The following PTPN13 variants were observed in gnomAD, a reference collection of about 807,000 sequenced individuals.
PTPN13 encodes the protein protein tyrosine phosphatase non-receptor type 13, also known as tyrosine-protein phosphatase non-receptor type 13.
Under a neutral mutation model 284.0 loss-of-function variants are expected in PTPN13, and 191 were observed. That is an observed-to-expected ratio of 0.67 (90% CI 0.60 to 0.76). The LOEUF is 0.76. Among genes scored for constraint, PTPN13 ranks in the 30% least tolerant of loss-of-function variants. The probability of loss-of-function intolerance (pLI) is 0.00; values close to 1 mark genes in which losing one functional copy is unlikely to be tolerated. For missense variants in PTPN13, 2,797 were observed against 2,939.9 expected (o/e 0.95, Z 1.12); for synonymous variants, 986 against 1,022.3 (o/e 0.96, Z 0.68).
intron 40 of PTPN13, among the ~76,000 whole-genome samples, chr4:86,794,975 G>T (rs1179355515): frequency 6.6e-6 from 1 of 152,168 alleles, no homozygotes; most frequent in African/African-American, 2.4e-5. Context: ...TACTATTCAG[G>T]ACATAGGCAT....
intron 13 of PTPN13, 132 bp from the exon 14 acceptor site, chr4:86,734,605 C>T (rs1449356576): frequency 2.4e-6 from 3 of 1,263,932 alleles, no homozygotes; most frequent in Non-Finnish European, 2.1e-6. Context: ...TTTATCTAAT[C>T]CTTATGCCTT....
rs181014815 is a variant in PTPN13, at chr4:86,809,782, G to A, written c.7097G>A (p.Arg2366His). 1.7e-5 allele frequency: 28 copies of A among 1,613,774 alleles called. No individual in the cohort carries two copies. In the Admixed American group the frequency reaches 2.7e-4, roughly 15 times the overall value. The change falls in exon 46 of 48, where the codon CGC becomes CAC. Residue 2366 changes from arginine to histidine, a missense_variant. Coordinates refer to ENST00000411767, the MANE Select transcript of PTPN13 (RefSeq NM_080683.3). ...TLEDIQTREV[R>H]HISHLNFTAW... ...ATACAATTTCAGACCAGAGAGGTGC[G>A]CCATATTTCTCATCTGAATTTCACT...
rs530934520 is a variant in PTPN13, at chr4:86,700,024, C to T, written c.635-1217C>T. On this transcript the variant is annotated intron_variant, in intron 6 of 47. Coordinates refer to ENST00000411767, the MANE Select transcript of PTPN13 (RefSeq NM_080683.3). ...AATATAGATGTTATCCTTATTTACA[C>T]TTGAGTAGATTCATGGGAAGATGAG... 3.9e-5 allele frequency among the ~76,000 whole-genome samples: 6 copies of T among 152,188 alleles called. No homozygotes were observed. The South Asian group carries it at 1.2e-3, about 32-fold the overall frequency.
At chr4:86,645,564 GA>G (rs1358327039) in intron 2 of PTPN13, among the ~76,000 whole-genome samples, 14 of 151,838 alleles carry the variant, frequency 9.2e-5, no homozygotes, top group Admixed American at 9.2e-4. Context: ...TTACCATTTA[GA>G]AATGATAAAA....
At chr4:86,623,167 G>T (rs1184973003) in intron 1 of PTPN13, among the ~76,000 whole-genome samples, 1 of 152,128 alleles carries the variant, frequency 6.6e-6, no homozygotes, top group Non-Finnish European at 1.5e-5. Flanking sequence ...AAACCTCCCG[G>T]GGGTCTGCTG....
chr4:86,739,829 G>A (rs1214687401), intron 15 of PTPN13, among the ~76,000 whole-genome samples: 10 of 152,218 alleles, frequency 6.6e-5, no homozygotes, highest in Admixed American at 6.5e-4. Context: ...TACAGGCATT[G>A]GGTAAATACA....
chr4:86,775,404 T>C, intron 34 of PTPN13, 38 bp from the exon 35 acceptor site: 1 of 1,599,692 alleles, frequency 6.3e-7, no homozygotes, highest in Non-Finnish European at 8.6e-7. Context: ...GTAAGTACTT[T>C]TATGACTGAG....
At chr4:86,628,969 G>A (rs1437756770) in intron 1 of PTPN13, among the ~76,000 whole-genome samples, 1 of 151,842 alleles carries the variant, frequency 6.6e-6, no homozygotes, top group East Asian at 1.9e-4. Context: ...ACATACGTGT[G>A]CATGTGTCTT....
rs1740168258 is a variant in PTPN13 at position 86,772,912 on chromosome 4, C to T, written c.5303C>T (p.Thr1768Ile). Residue 1768 changes from threonine to isoleucine, a missense_variant, in exon 32 of 48, where the codon ACA (threonine) becomes ATA (isoleucine). By Grantham distance (89) the Thr-to-Ile change is moderately conservative. Transcript: ENST00000411767. ...ISEPTRQENW[T>I]PLKNDLENHL... ...GAACCAACTAGACAAGAAAACTGGA[C>T]ACCTTTGAAAAATGACTTGGAAAAT... The T allele has an allele frequency of 6.2e-7, 1 of 1,609,454 alleles. No homozygotes were observed. Among genetic ancestry groups the T allele is most frequent in the South Asian group, 1.1e-5 (1 of 90,004 alleles).
intron 1 of PTPN13, among the ~76,000 whole-genome samples, chr4:86,611,981 G>C (rs1368443055): frequency 6.6e-6 from 1 of 152,204 alleles, no homozygotes; most frequent in Non-Finnish European, 1.5e-5. Flanking sequence ...CACAAACTGG[G>C]CTGCAAATGC....
At chr4:86,653,760 T>A (rs919685789) in intron 2 of PTPN13, among the ~76,000 whole-genome samples, 12 of 152,104 alleles carry the variant, frequency 7.9e-5, no homozygotes, top group African/African-American at 2.7e-4. Context: ...TATTATTTTT[T>A]AAAAAACTAA....
chr4:86,727,622 T>G (rs913725175), intron 10 of PTPN13, among the ~76,000 whole-genome samples: 3 of 149,612 alleles, frequency 2.0e-5, no homozygotes, highest in African/African-American at 7.3e-5. Flanking sequence ...TAGTATTCTC[T>G]GATGGTAGTT....
At chr4:86,694,606 AAT>A (rs1730404910) in intron 6 of PTPN13, among the ~76,000 whole-genome samples, 1 of 148,782 alleles carries the variant, frequency 6.7e-6, no homozygotes, top group African/African-American at 2.5e-5. Flanking sequence ...AAAAAAAAAG[AAT>A]GGAAATTTCA....
At chr4:86,715,952 G>A (rs1438487017) in intron 7 of PTPN13, among the ~76,000 whole-genome samples, 1 of 152,114 alleles carries the variant, frequency 6.6e-6, no homozygotes, top group East Asian at 1.9e-4. Context: ...TGCACACTCT[G>A]CACAAACCTA....
intron 1 of PTPN13, among the ~76,000 whole-genome samples, chr4:86,630,365 G>C (rs1429040338): frequency 1.3e-5 from 2 of 152,002 alleles, no homozygotes; most frequent in African/African-American, 4.8e-5. Context: ...GTGGCATTTT[G>C]TATGTTTTAA....
rs564036313 is a variant in PTPN13 at position 86,689,902 on chromosome 4, A to T, written c.546+712A>T. 7.0e-6 allele frequency: 4 copies of T among 574,840 alleles called. No individual in the cohort carries two copies. The East Asian group carries it at 1.1e-4, about 16-fold the overall frequency. 35.6% of individuals were successfully genotyped at this position (574,840 alleles called of 1,614,324 possible). A position where few individuals can be genotyped will look rare whatever the true frequency, so the allele number is the denominator to read the frequency against. On this transcript the variant is annotated intron_variant, in intron 5 of 47. Transcript: ENST00000411767. Reference sequence around the variant, plus strand: ...CTTATCCTTAGGGTTGTAGTCCTGGAGTGTTGGTCCCTCTTCCTTGCACAG... The same window carrying T: ...CTTATCCTTAGGGTTGTAGTCCTGGTGTGTTGGTCCCTCTTCCTTGCACAG...
Position 86,661,029 on chromosome 4 carries a change from C to T in PTPN13, c.116-11336C>T, listed in dbSNP as rs181490128. 2.1e-3 allele frequency: 890 copies of T among 415,426 alleles called. 2 individuals are homozygous for T. Among genetic ancestry groups the T allele is most frequent in the Non-Finnish European group, 3.2e-3 (670 of 211,962 alleles). 25.7% of individuals were successfully genotyped at this position (415,426 alleles called of 1,614,324 possible). On this transcript the variant is annotated intron_variant, in intron 2 of 47. Coordinates refer to ENST00000411767, the MANE Select transcript of PTPN13 (RefSeq NM_080683.3). ...GTTGAGGTATAACATATATTGCAAA[C>T]AGCATTATTCTTAATTGTACAGCCT...
At chr4:86,724,842 A>G (rs1369461656) in intron 10 of PTPN13, among the ~76,000 whole-genome samples, 1 of 151,362 alleles carries the variant, frequency 6.6e-6, no homozygotes, top group Non-Finnish European at 1.5e-5. Context: ...TTATACTTTA[A>G]GTTCTAGGGT....
intron 19 of PTPN13, among the ~76,000 whole-genome samples, 174 bp downstream of exon 19, chr4:86,751,298 G>A (rs867575330): frequency 2.6e-5 from 4 of 152,238 alleles, no homozygotes; most frequent in African/African-American, 9.6e-5. Flanking sequence ...GATTTAACAA[G>A]TGATTGCTTC....
Sources: gnomAD v4.1 joint callset for allele counts (sites outside exome capture counted in the v4.1 genomes callset) on GRCh38, gnomAD v4.1.1 for gene constraint, MANE v1.5 for transcripts, NCBI Gene and HGNC (gene_info 2026-07-23, HGNC 2026-07-21) for gene names.